Variants in SAP130 observed in about 807,000 individuals in gnomAD.
The protein encoded by SAP130 is histone deacetylase complex subunit SAP130.
A neutral mutation model predicts 103.2 loss-of-function variants in SAP130; 16 were observed. The observed-to-expected ratio is 0.16, with a 90% CI of 0.10 to 0.24. The LOEUF is 0.24. SAP130 is among the 10% of genes least tolerant of loss of function. SAP130 has a pLI of 1.00. For missense variants in SAP130, 990 were observed against 1,359.7 expected, an observed-to-expected ratio of 0.73 and a Z score of 4.28; for synonymous variants, 477 against 497.0, an observed-to-expected ratio of 0.96 and a Z score of 0.53.
intron 18 of SAP130, 79 bp downstream of exon 18, chr2:127,949,790 G>T: frequency 6.9e-7 from 1 of 1,455,714 alleles, no homozygotes; most frequent in Non-Finnish European, 9.4e-7. Flanking sequence ...GAAAATTGTG[G>T]TTCTGTTTTT....
At chr2:127,963,962 T>A (rs1372044156) in intron 15 of SAP130, among the ~76,000 whole-genome samples, 3 of 152,194 alleles carry the variant, frequency 2.0e-5, no homozygotes, top group African/African-American at 7.2e-5. Flanking sequence ...TTATCTTGAT[T>A]GGGATAGTGT....
At chr2:127,960,993 CTTTTT>C (rs772565129) in intron 15 of SAP130, among the ~76,000 whole-genome samples, 1 of 137,258 alleles carries the variant, frequency 7.3e-6, no homozygotes. Flanking sequence ...TTCTTTCTTT[CTTTTT>C]TTTTTTTTTT....
chr2:127,966,995 A>T (rs1680704111), intron 15 of SAP130, among the ~76,000 whole-genome samples: 1 of 152,194 alleles, frequency 6.6e-6, no homozygotes, highest in African/African-American at 2.4e-5. Context: ...TGAAAACAGT[A>T]AGTAAAAGAA....
Position 128,014,917 on chromosome 2 carries a change from G to T in SAP130, c.508-3C>A. The T allele has an allele frequency of 6.2e-7, 1 of 1,609,236 alleles. No individual in the cohort carries two copies. On this transcript the variant is annotated splice_region_variant and splice_polypyrimidine_tract_variant and intron_variant, in intron 4 of 20. Transcript: ENST00000643581. ...TGATGCAGGTTACTGGGATGGCCCT[G>T]AAAGAAAGAGGATAGAACGTTATTT...
At chr2:128,012,536 C>A in intron 6 of SAP130, among the ~76,000 whole-genome samples, 1 of 152,190 alleles carries the variant, frequency 6.6e-6, no homozygotes, top group East Asian at 1.9e-4. Context: ...AGTTTATACT[C>A]CATATCCTAG....
chr2:127,988,622 AG>A (rs1682567176), intron 13 of SAP130, among the ~76,000 whole-genome samples: 1 of 151,662 alleles, frequency 6.6e-6, no homozygotes, highest in Non-Finnish European at 1.5e-5. Flanking sequence ...GGCCAAAGTG[AG>A]TAGACTACTT....
intron 12 of SAP130, 46 bp downstream of exon 12, chr2:127,993,141 G>A: frequency 6.2e-7 from 1 of 1,604,476 alleles, no homozygotes. Context: ...ATTATTGTTG[G>A]CAAAAGTTAA....
chr2:127,980,812 C>T (rs533990353), intron 14 of SAP130, among the ~76,000 whole-genome samples: 3 of 152,004 alleles, frequency 2.0e-5, no homozygotes, highest in South Asian at 2.1e-4. Context: ...GGGAGGATCA[C>T]CTGAGCCTGG....
At position 127,955,069 on chromosome 2, in the gene SAP130, A is replaced by G; in HGVS notation, c.2339T>C (p.Leu780Pro). 6.2e-7 allele frequency: 1 copy of G among 1,614,198 alleles called. No individual in the cohort carries two copies. The highest frequency in any genetic ancestry group is 8.5e-7 in the Non-Finnish European group (1 of 1,180,020). ...PPPSVTVGGS[L>P]SSVLGPPVPE... ...AACGGGAGGGCCCAAGACGGAGGAAAGACTGCCACCCACAGTGACTGATGG... is the reference window on the plus strand; with the variant it reads ...AACGGGAGGGCCCAAGACGGAGGAAGGACTGCCACCCACAGTGACTGATGG... Residue 780 changes from leucine to proline, a missense_variant, in exon 16 of 21, where the codon CTT becomes CCT. By Grantham distance (98) the Leu-to-Pro change is moderately conservative. This residue lies in a region of SAP130 where 349 missense variants were observed against 384.1 expected (regional missense o/e 0.91). Coordinates refer to ENST00000643581, the MANE Select transcript of SAP130 (RefSeq NM_001330301.2). The surrounding 1 kb of genome is among the most constrained non-coding windows in gnomAD (Gnocchi z 4.9).
intron 11 of SAP130, among the ~76,000 whole-genome samples, chr2:127,995,305 G>A (rs1345241044): frequency 6.6e-6 from 1 of 152,186 alleles, no homozygotes; most frequent in African/African-American, 2.4e-5. Context: ...AAGTTCAATA[G>A]GAATCTAGAA....
intron 10 of SAP130, among the ~76,000 whole-genome samples, chr2:127,997,173 G>A (rs932242261): frequency 6.6e-6 from 1 of 152,156 alleles, no homozygotes; most frequent in Non-Finnish European, 1.5e-5. Flanking sequence ...TGACCATAGA[G>A]TTTTCAAATT....
Position 127,948,489 on chromosome 2 carries a change from G to A in SAP130, c.2797+1380C>T, listed in dbSNP as rs534073660. 1.1e-4 allele frequency among the ~76,000 whole-genome samples: 16 copies of A among 151,556 alleles called. No homozygotes were observed. The South Asian group carries it at 1.3e-3, about 12-fold the overall frequency. On this transcript the variant is annotated intron_variant, in intron 18 of 20. Coordinates refer to ENST00000643581, the MANE Select transcript of SAP130 (RefSeq NM_001330301.2). ...TGAGTAGCTGGGATTACAGGCACCC[G>A]CCATCATGCCTGGCTAATTTTTTTG...
At chr2:127,967,658 A>T (rs1680754752) in intron 15 of SAP130, among the ~76,000 whole-genome samples, 1 of 152,316 alleles carries the variant, frequency 6.6e-6, no homozygotes, top group Non-Finnish European at 1.5e-5. Context: ...GGCCTCCCAA[A>T]GCACTGGGAT....
chr2:127,959,893 C>T (rs1680116427), intron 15 of SAP130, among the ~76,000 whole-genome samples: 1 of 151,984 alleles, frequency 6.6e-6, no homozygotes. Context: ...AATGTAATAA[C>T]TGAAATAAGA....
At chr2:127,977,533 G>A (rs906835110) in intron 15 of SAP130, among the ~76,000 whole-genome samples, 7 of 151,742 alleles carry the variant, frequency 4.6e-5, no homozygotes, top group Non-Finnish European at 7.4e-5. Context: ...ATACTGTCAC[G>A]ATGTCATTTT....
At chr2:128,025,634 G>C (rs1685449870) in intron 2 of SAP130, among the ~76,000 whole-genome samples, 1 of 152,142 alleles carries the variant, frequency 6.6e-6, no homozygotes, top group African/African-American at 2.4e-5. Context: ...TTACATTGTA[G>C]GAGGTATTAC....
At chr2:127,946,650 A>C (rs928388717) in intron 18 of SAP130, among the ~76,000 whole-genome samples, 13 of 152,034 alleles carry the variant, frequency 8.6e-5, no homozygotes, top group African/African-American at 3.1e-4. Flanking sequence ...TGGGAGGCCG[A>C]GGCAGGTGGA....
intron 7 of SAP130, among the ~76,000 whole-genome samples, chr2:128,008,934 C>A (rs1684185531): frequency 6.6e-6 from 1 of 152,100 alleles, no homozygotes; most frequent in African/African-American, 2.4e-5. Context: ...ATCCTCCTGC[C>A]TCAGCCTCCC....
chr2:127,945,422 C>A (rs1364639161), intron 19 of SAP130, 34 bp downstream of exon 19: 2 of 1,294,050 alleles, frequency 1.5e-6, no homozygotes, highest in Non-Finnish European at 2.3e-6. Flanking sequence ...CTCCTCTCTT[C>A]AGCATGATGA....
Sources: gnomAD v4.1 joint callset for allele counts (sites outside exome capture counted in the v4.1 genomes callset) on GRCh38, gnomAD v4.1.1 for gene constraint, gnomAD v4.1.1 regional missense constraint, Gnocchi (gnomAD v3.1) non-coding constraint, MANE v1.5 for transcripts, NCBI Gene and HGNC (gene_info 2026-07-23, HGNC 2026-07-21) for gene names.